The following HDAC9 variants were observed in gnomAD, a reference collection of about 807,000 sequenced individuals.
HDAC9 encodes MEF-2 interacting transcription repressor (MITR) protein.
A neutral mutation model predicts 139.4 loss-of-function variants in HDAC9; 41 were observed. That is an observed-to-expected ratio of 0.29 (90% CI 0.23 to 0.38). The LOEUF is 0.38. Among genes scored for constraint, HDAC9 ranks in the 10% least tolerant of loss-of-function variants. The pLI is 1.00. For missense variants in HDAC9, 1,147 were observed against 1,297.0 expected (o/e 0.88, Z 1.78); for synonymous variants, 517 against 476.2 (o/e 1.09, Z -1.12).
At chr7:18,631,705 C>G (rs1782401654) in intron 7 of HDAC9, among the ~76,000 whole-genome samples, 1 of 151,760 alleles carries the variant, frequency 6.6e-6, no homozygotes, top group African/African-American at 2.4e-5. Context: ...TACAAAAAGT[C>G]CTGTTCTTTT....
chr7:18,367,681 A>G (rs185175475), intron 1 of HDAC9, among the ~76,000 whole-genome samples: 1 of 152,178 alleles, frequency 6.6e-6, no homozygotes, highest in East Asian at 1.9e-4. Flanking sequence ...ATGTATGGGT[A>G]TAAGGTATAT....
At chr7:18,944,674 T>C (rs1782250927) in intron 23 of HDAC9, among the ~76,000 whole-genome samples, 1 of 152,162 alleles carries the variant, frequency 6.6e-6, no homozygotes, top group Admixed American at 6.5e-5. Context: ...ATGTCAGCTC[T>C]ATCTCTATGA....
intron 2 of HDAC9, among the ~76,000 whole-genome samples, chr7:18,224,120 A>T (rs1050012199): frequency 2.6e-5 from 4 of 152,148 alleles, no homozygotes; most frequent in African/African-American, 9.7e-5. Context: ...TGTGCTCATT[A>T]TTGTTCACAT....
At chr7:18,607,796 A>C (rs954175220) in intron 6 of HDAC9, among the ~76,000 whole-genome samples, 2 of 151,310 alleles carry the variant, frequency 1.3e-5, no homozygotes, top group South Asian at 2.1e-4. Flanking sequence ...GCATTTCATA[A>C]AGAGGTGTGA....
intron 2 of HDAC9, among the ~76,000 whole-genome samples, chr7:18,541,145 T>TTG (rs1554482387): frequency 1.4e-5 from 2 of 145,344 alleles, no homozygotes; most frequent in Non-Finnish European, 3.0e-5. Flanking sequence ...AACCGTGTTT[T>TTG]TTTTTTTTTT....
intron 2 of HDAC9, among the ~76,000 whole-genome samples, chr7:18,189,274 G>T (rs1207562848): frequency 6.6e-6 from 1 of 150,590 alleles, no homozygotes; most frequent in Non-Finnish European, 1.5e-5. Flanking sequence ...GTTCTCACTC[G>T]TAAGCAGGAG....
intron 1 of HDAC9, among the ~76,000 whole-genome samples, chr7:18,482,420 C>A (rs923019277): frequency 1.6e-3 from 70 of 43,608 alleles, no homozygotes; most frequent in East Asian, 6.9e-3. Flanking sequence ...AAAAAAAATT[C>A]TCCTTGGCTG....
intron 1 of HDAC9, among the ~76,000 whole-genome samples, chr7:18,139,235 C>A (rs1434963008): frequency 6.6e-6 from 1 of 151,486 alleles, no homozygotes; most frequent in East Asian, 1.9e-4. Flanking sequence ...AAGCTATCCT[C>A]CTGCCTCAGC....
chr7:18,740,432 C>G (rs1236817822), intron 13 of HDAC9, among the ~76,000 whole-genome samples: 3 of 152,152 alleles, frequency 2.0e-5, no homozygotes, highest in Non-Finnish European at 2.9e-5. Context: ...TTTTATAGTA[C>G]TCTTGTAATT....
At chr7:18,854,316 T>G (rs1291592137) in intron 21 of HDAC9, among the ~76,000 whole-genome samples, 1 of 152,158 alleles carries the variant, frequency 6.6e-6, no homozygotes, top group Non-Finnish European at 1.5e-5. Flanking sequence ...ATCTGCCAGG[T>G]GATATATCAT....
At chr7:18,206,823 A>G (rs1440761475) in intron 2 of HDAC9, among the ~76,000 whole-genome samples, 1 of 152,126 alleles carries the variant, frequency 6.6e-6, no homozygotes, top group African/African-American at 2.4e-5. Flanking sequence ...AGTTAGTTTA[A>G]GTGTAGGAAG....
chr7:18,275,870 G>A (rs1047374815), intron 2 of HDAC9, among the ~76,000 whole-genome samples: 1 of 152,024 alleles, frequency 6.6e-6, no homozygotes, highest in Non-Finnish European at 1.5e-5. Context: ...ATTTACCTCT[G>A]TTTAGTGTAC....
intron 22 of HDAC9, among the ~76,000 whole-genome samples, chr7:18,885,259 A>G (rs887344920): frequency 4.6e-5 from 7 of 152,196 alleles, no homozygotes; most frequent in Non-Finnish European, 1.0e-4. Context: ...TGAAGATTAT[A>G]TTCTTGACTG....
chr7:18,799,973 C>A (rs1363269120), intron 17 of HDAC9, among the ~76,000 whole-genome samples: 1 of 151,988 alleles, frequency 6.6e-6, no homozygotes, highest in Non-Finnish European at 1.5e-5. Context: ...ATAATGAAAC[C>A]ATTGAAATCC....
intron 1 of HDAC9, among the ~76,000 whole-genome samples, chr7:18,355,691 A>G (rs893454414): frequency 6.6e-6 from 1 of 152,142 alleles, no homozygotes; most frequent in African/African-American, 2.4e-5. Context: ...AGAATTAGGC[A>G]TTTACAGGTA....
intron 2 of HDAC9, among the ~76,000 whole-genome samples, chr7:18,582,031 C>T (rs1468740039): frequency 6.6e-6 from 1 of 152,198 alleles, no homozygotes; most frequent in Non-Finnish European, 1.5e-5. Flanking sequence ...TGATATCAGT[C>T]TGCATGCACA....
upstream of HDAC9, among the ~76,000 whole-genome samples, chr7:18,495,374 A>G (rs551657962): frequency 6.6e-5 from 10 of 152,214 alleles, no homozygotes; most frequent in African/African-American, 2.4e-4. Flanking sequence ...AATGAAATGA[A>G]ATGTATGTGC....
intron 12 of HDAC9, among the ~76,000 whole-genome samples, chr7:18,689,022 C>T (rs1782479922): frequency 6.6e-6 from 1 of 151,886 alleles, no homozygotes; most frequent in African/African-American, 2.4e-5. Context: ...TGCTTCTGAA[C>T]CTGTATTCTG....
intron 2 of HDAC9, among the ~76,000 whole-genome samples, chr7:18,563,116 A>G (rs1010958259): frequency 2.6e-5 from 4 of 152,272 alleles, no homozygotes; most frequent in African/African-American, 9.6e-5. Context: ...GTGATGGCTA[A>G]GAAAGGTTTA....
Sources: gnomAD v4.1 joint callset for allele counts (sites outside exome capture counted in the v4.1 genomes callset) on GRCh38, gnomAD v4.1.1 for gene constraint, MANE v1.5 for transcripts, NCBI Gene and HGNC (gene_info 2026-07-23, HGNC 2026-07-21) for gene names.